CSF2RA: variants seen among roughly 807,000 people sequenced by gnomAD.
The protein encoded by CSF2RA is granulocyte-macrophage colony-stimulating factor receptor subunit alpha.
In CSF2RA, 42 loss-of-function variants were observed where a neutral mutation model predicts 51.6. The observed-to-expected ratio is 0.81, with a 90% CI of 0.64 to 1.05. CSF2RA has a LOEUF of 1.05. Ranked by LOEUF, CSF2RA falls within the 50% of genes least tolerant of loss-of-function variation. The pLI is 0.00. For synonymous variants in CSF2RA, 222 were observed against 193.0 expected (o/e 1.15, Z -1.24); for missense variants, 530 against 501.1 (o/e 1.06, Z -0.55).
the CSF2RA span, among the ~76,000 whole-genome samples, chrX:1,323,790 A>G: frequency 0.023 from 3,546 of 150,894 alleles, 45 homozygotes; most frequent in South Asian, 0.039. Context: ...AGAGGCGGGC[A>G]GATCATGAGG....
chrX:1,298,816 A>T (rs751348351), intron 9 of CSF2RA, among the ~76,000 whole-genome samples: 1 of 152,154 alleles, frequency 6.6e-6, no homozygotes, highest in Admixed American at 6.5e-5. Flanking sequence ...CAGTGTGATC[A>T]GGAGGAGACC....
chrX:1,276,522 C>T (rs1212109002), intron 2 of CSF2RA, among the ~76,000 whole-genome samples: 2 of 151,642 alleles, frequency 1.3e-5, no homozygotes, highest in Admixed American at 6.6e-5. Context: ...TACAGGCGCC[C>T]GCCATCACAC....
chrX:1,309,434 G>C lies in CSF2RA; in HGVS notation c.1158G>C (p.Gly386=). The C allele has an allele frequency of 6.2e-7, 1 of 1,613,994 alleles. No individual in the cohort carries two copies. Among genetic ancestry groups the C allele is most frequent in the Non-Finnish European group, 8.5e-7 (1 of 1,179,870 alleles). The change falls in exon 13 of 13, where the codon GGG becomes GGC. Residue 386 remains glycine, a synonymous_variant. Coordinates refer to ENST00000381529, the MANE Select transcript of CSF2RA (RefSeq NM_172245.4). ...GGGAGGAATTCACCCCAGAGGAAGG[G>C]AAAGGCTACCGCGAAGAGGTCTTGA... ...IIWEEFTPEE[G]KGYREEVLTV...
chrX:1,277,410 A>G (rs1410668785), intron 2 of CSF2RA, among the ~76,000 whole-genome samples: 1 of 150,746 alleles, frequency 6.6e-6, no homozygotes, highest in African/African-American at 2.4e-5. Flanking sequence ...AGCCTGACCA[A>G]CATGGTGAAA....
chrX:1,317,370 G>A, the CSF2RA span, among the ~76,000 whole-genome samples: 235 of 139,950 alleles, frequency 1.7e-3, 1 homozygote, highest in South Asian at 0.016. Context: ...TCCCGCCTCA[G>A]CCTCCCGAGT....
intron 10 of CSF2RA, chrX:1,303,409 ATT>A: frequency 3.7e-5 from 14 of 379,106 alleles, no homozygotes; most frequent in South Asian, 1.6e-4. Flanking sequence ...CTAATTTTGT[ATT>A]TTTTTTTTAG....
the CSF2RA span, among the ~76,000 whole-genome samples, chrX:1,324,646 T>C: frequency 6.6e-6 from 1 of 151,934 alleles, no homozygotes; most frequent in Non-Finnish European, 1.5e-5. Context: ...AGGACATAAG[T>C]GCTTTGGCCC....
chrX:1,316,487 G>T, the CSF2RA span, among the ~76,000 whole-genome samples: 5 of 152,112 alleles, frequency 3.3e-5, no homozygotes, highest in Non-Finnish European at 5.9e-5. Context: ...AGGACCTGAG[G>T]TATCACCACC....
downstream of CSF2RA, among the ~76,000 whole-genome samples, chrX:1,311,720 C>T (rs2084200343): frequency 2.6e-5 from 4 of 152,248 alleles, no homozygotes; most frequent in Middle Eastern, 3.4e-3. Context: ...GGATGACAGG[C>T]GTGAGCCACC....
chrX:1,275,565 T>TTTA (rs201914671), intron 2 of CSF2RA, among the ~76,000 whole-genome samples: 410 of 151,946 alleles, frequency 2.7e-3, no homozygotes, highest in African/African-American at 8.5e-3. Flanking sequence ...TATTTATTTA[T>TTTA]TTATTTATTT....
intron 10 of CSF2RA, among the ~76,000 whole-genome samples, chrX:1,301,466 C>A (rs1226724007): frequency 6.6e-6 from 1 of 151,832 alleles, no homozygotes; most frequent in Non-Finnish European, 1.5e-5. Flanking sequence ...AGAGAAGGAC[C>A]CCACTGATAG....
Position 1,295,415 on chromosome X carries a change from T to A in CSF2RA, c.781-12T>A. The A allele has an allele frequency of 6.2e-7, 1 of 1,613,502 alleles. No homozygotes were observed. Among genetic ancestry groups the A allele is most frequent in the Non-Finnish European group, 8.5e-7 (1 of 1,179,574 alleles). ...ACAGTGAGCCTTGTGTTGTGTTTTG[T>A]TTTGTTTCTAGAATACCCAGCCTGG... On this transcript the variant is annotated splice_polypyrimidine_tract_variant and intron_variant, in intron 8 of 12. Coordinates refer to ENST00000381529, the MANE Select transcript of CSF2RA (RefSeq NM_172245.4).
At chrX:1,314,071 C>T (rs1270375723), downstream of CSF2RA, among the ~76,000 whole-genome samples, 6 of 151,898 alleles carry the variant, frequency 4.0e-5, no homozygotes, top group South Asian at 6.2e-4. Flanking sequence ...GAGATAGGGC[C>T]TAGGATGACT....
intron 7 of CSF2RA, among the ~76,000 whole-genome samples, chrX:1,291,075 C>A (rs773611247): frequency 1.3e-5 from 2 of 152,134 alleles, no homozygotes; most frequent in South Asian, 4.1e-4. Flanking sequence ...GTGCACACCA[C>A]CACGCTCGGC....
chrX:1,315,770 A>AATAGATAG, the CSF2RA span, among the ~76,000 whole-genome samples: 84 of 124,570 alleles, frequency 6.7e-4, no homozygotes, highest in East Asian at 1.7e-3. Context: ...TAAAATAGAT[A>AATAGATAG]ATAGATAGAT....
the CSF2RA span, among the ~76,000 whole-genome samples, chrX:1,322,965 T>A: frequency 2.0e-5 from 3 of 149,892 alleles, no homozygotes; most frequent in African/African-American, 5.0e-5. Flanking sequence ...TCATCTCTAC[T>A]AAAAATACAA....
downstream of CSF2RA, among the ~76,000 whole-genome samples, chrX:1,312,086 A>G (rs1334500295): frequency 2.0e-5 from 3 of 151,826 alleles, no homozygotes; most frequent in African/African-American, 4.8e-5. Context: ...CCTCTCGAGT[A>G]GCTGGGATGA....
intron 3 of CSF2RA, among the ~76,000 whole-genome samples, chrX:1,284,903 G>A (rs1248257990): frequency 6.6e-6 from 1 of 151,898 alleles, no homozygotes; most frequent in Non-Finnish European, 1.5e-5. Flanking sequence ...CTGACCTCAG[G>A]TGATCCGCCC....
intron 3 of CSF2RA, among the ~76,000 whole-genome samples, chrX:1,284,452 G>A (rs1365050284): frequency 1.2e-5 from 1 of 83,294 alleles, no homozygotes; most frequent in Non-Finnish European, 2.3e-5. Flanking sequence ...TTTTTGAGAT[G>A]GAGTCTTACT....
Sources: gnomAD v4.1 joint callset for allele counts (sites outside exome capture counted in the v4.1 genomes callset) on GRCh38, gnomAD v4.1.1 for gene constraint, MANE v1.5 for transcripts, NCBI Gene and HGNC (gene_info 2026-07-23, HGNC 2026-07-21) for gene names.